The following ACOT11 variants were observed in gnomAD, a reference collection of about 807,000 sequenced individuals.
The protein encoded by ACOT11 is acyl-CoA thioesterase 11.
A neutral mutation model predicts 77.5 loss-of-function variants in ACOT11; 69 were observed. The ratio of observed to expected loss-of-function variants is 0.89; its 90% confidence interval spans 0.73 to 1.09. ACOT11 has a LOEUF of 1.09. Among genes scored for constraint, ACOT11 ranks in the 50% least tolerant of loss-of-function variants. ACOT11 has a pLI of 0.00. For missense variants in ACOT11, 766 were observed against 813.7 expected, an observed-to-expected ratio of 0.94 and a Z score of 0.71; for synonymous variants, 279 against 313.0, an observed-to-expected ratio of 0.89 and a Z score of 1.15.
downstream of ACOT11, chr1:54,614,574 C>G (rs1644151274): frequency 2.1e-6 from 2 of 951,686 alleles, no homozygotes; most frequent in African/African-American, 3.3e-5. Context: ...TGTGCAAAGG[C>G]TCAGAGGTGA....
In ACOT11 at chr1:54,601,477, G is replaced by T. The variant is rs1225735864; in HGVS notation, c.1029+64G>T. The T allele has an allele frequency of 2.5e-6, 4 of 1,573,974 alleles. No homozygotes were observed. In the African/African-American group the frequency reaches 5.4e-5, roughly 21 times the overall value. ...CTCCCCTCCCTCTCTGCCCTGGCATGGTGGAGACTGCCAGCCCCCTACAGA... is the reference window on the plus strand; with the variant it reads ...CTCCCCTCCCTCTCTGCCCTGGCATTGTGGAGACTGCCAGCCCCCTACAGA... On this transcript the variant is annotated intron_variant, in intron 9 of 15. Transcript: ENST00000343744.
In ACOT11 at chr1:54,607,958, G is replaced by C. The variant is rs372683941; in HGVS notation, c.1519G>C (p.Ala507Pro). ...TTCACTCAGGGACCCCTATGTCATCGCGCTGAGGTCGGTCACGCTGCCCAC... is the reference window on the plus strand; with the variant it reads ...TTCACTCAGGGACCCCTATGTCATCCCGCTGAGGTCGGTCACGCTGCCCAC... ...PCDNGDPYVI[A>P]LRSVTLPTHR... is the part of the protein sequence containing the mutation. Residue 507 changes from alanine to proline, a missense_variant, in exon 15 of 16, where the codon GCG becomes CCG. Physicochemically the swap from Ala to Pro is conservative, Grantham distance 27. Coordinates refer to ENST00000343744, the MANE Select transcript of ACOT11 (RefSeq NM_147161.4). This position sits in a 1 kb window ranked among gnomAD's most constrained non-coding sequence, Gnocchi z 4.5. 2 of 1,613,584 alleles carry C rather than the reference G, an allele frequency of 1.2e-6. No individual in the cohort carries two copies. The highest frequency in any genetic ancestry group is 1.3e-5 in the African/African-American group (1 of 74,788).
chr1:54,551,005 T>C (rs1653045032), intron 1 of ACOT11, among the ~76,000 whole-genome samples: 2 of 151,310 alleles, frequency 1.3e-5, no homozygotes, highest in South Asian at 4.2e-4. Flanking sequence ...CTGGGCATGG[T>C]GGCATGCTCC....
chr1:54,606,787 T>C (rs982283813), intron 13 of ACOT11, among the ~76,000 whole-genome samples: 1 of 152,238 alleles, frequency 6.6e-6, no homozygotes, highest in Non-Finnish European at 1.5e-5. Flanking sequence ...TGCGCAGACA[T>C]GTATAGACAC....
intron 10 of ACOT11, 53 bp from the exon 11 acceptor site, chr1:54,603,818 G>A: frequency 6.4e-7 from 1 of 1,554,812 alleles, no homozygotes; most frequent in South Asian, 1.1e-5. Flanking sequence ...TAGAGTCTGT[G>A]GAAAGTGCTG....
At chr1:54,595,338 C>A (rs1396666580) in intron 6 of ACOT11, among the ~76,000 whole-genome samples, 2 of 152,070 alleles carry the variant, frequency 1.3e-5, no homozygotes, top group African/African-American at 2.4e-5. Flanking sequence ...AAGAGTGAAA[C>A]TCCATTTCAA....
At position 54,608,973 on chromosome 1, in the gene ACOT11, A is replaced by G; in HGVS notation, c.1646A>G (p.Gln549Arg). 6.2e-7 allele frequency: 1 copy of G among 1,613,800 alleles called. No individual in the cohort carries two copies. Among genetic ancestry groups the G allele is most frequent in the South Asian group, 1.1e-5 (1 of 91,064 alleles). ...ACCCTGCAGGTATCCTACTACAACC[A>G]GGCCACCCCAGGTGTTCTCAACTAT... Reference protein sequence around the residue: ...DQLTKVSYYNQATPGVLNYVT... With the variant: ...DQLTKVSYYNRATPGVLNYVT... Residue 549 changes from glutamine (Q) to arginine (R), a missense_variant, in exon 16 of 16, where the codon CAG (glutamine) becomes CGG (arginine). Physicochemically the swap from Gln to Arg is conservative, Grantham distance 43. Transcript: ENST00000343744.
At chr1:54,562,541 G>A (rs1341964671) in intron 1 of ACOT11, among the ~76,000 whole-genome samples, 1 of 91,778 alleles carries the variant, frequency 1.1e-5, no homozygotes, top group African/African-American at 4.2e-5. Context: ...CGGGCGGGGG[G>A]CTGACCCACC....
chr1:54,634,846 C>T (rs958345759), exon 17 of ACOT11: 22 of 609,828 alleles, frequency 3.6e-5, no homozygotes, highest in Admixed American at 1.7e-4. Context: ...TGAGCAACAC[C>T]CGTCGAACAC....
At chr1:54,630,691 T>G (rs1448059853) in intron 15 of ACOT11, 1 of 612,556 alleles carries the variant, frequency 1.6e-6, no homozygotes, top group African/African-American at 1.8e-5. Flanking sequence ...GATTTCCCAC[T>G]TCACACCTCT....
chr1:54,636,853 ACT>A (rs1192951427), exon 17 of ACOT11: 1 of 156,124 alleles, frequency 6.4e-6, no homozygotes, highest in Non-Finnish European at 1.4e-5. Context: ...AGTGGTGATG[ACT>A]CTTAAGGAGC....
At position 54,629,744 on chromosome 1, in the gene ACOT11, C is replaced by T. The variant is rs1365370679; in HGVS notation, c.1630-990C>T. Reference sequence around the variant, plus strand: ...GGACTACAGCTGTGCACCACCATGCCTAGCTAATTTTTTTGTGTGTGGAGA... The same window carrying T: ...GGACTACAGCTGTGCACCACCATGCTTAGCTAATTTTTTTGTGTGTGGAGA... On this transcript the variant is annotated intron_variant, in intron 15 of 16. Transcript: ENST00000371316. Among the ~76,000 whole-genome samples the T allele has an allele frequency of 3.8e-5, 5 of 132,980 alleles. 1 individual carries two copies. Among genetic ancestry groups the T allele is most frequent in the African/African-American group, 1.3e-4 (5 of 39,178 alleles). The allele number at this position is 132,980 out of a possible 152,430, so 87.2% of individuals were successfully genotyped here.
At chr1:54,602,319 A>G (rs732509) in intron 9 of ACOT11, among the ~76,000 whole-genome samples, 6,545 of 152,276 alleles carry the variant, frequency 0.043, 360 homozygotes, top group South Asian at 0.23. Flanking sequence ...ATTTGGTGCA[A>G]TTCCACATGG....
At chr1:54,589,999 A>G (rs1187397065) in intron 3 of ACOT11, among the ~76,000 whole-genome samples, 2 of 151,954 alleles carry the variant, frequency 1.3e-5, no homozygotes, top group Non-Finnish European at 2.9e-5. Context: ...AAGGCAGGAG[A>G]ATGGCATGAA....
downstream of ACOT11, among the ~76,000 whole-genome samples, chr1:54,611,297 T>C (rs745939907): frequency 7.2e-5 from 11 of 152,068 alleles, no homozygotes; most frequent in Non-Finnish European, 1.3e-4. Flanking sequence ...TAGCCGGGCA[T>C]GGTGGCGCAG....
chr1:54,589,142 G>A (rs753796148), intron 3 of ACOT11, among the ~76,000 whole-genome samples: 26 of 151,922 alleles, frequency 1.7e-4, no homozygotes, highest in Non-Finnish European at 3.1e-4. Context: ...TAAACCTCCC[G>A]AGTAGGTGGG....
At chr1:54,595,075 G>A (rs1203415638) in intron 6 of ACOT11, among the ~76,000 whole-genome samples, 2 of 152,148 alleles carry the variant, frequency 1.3e-5, no homozygotes, top group African/African-American at 2.4e-5. Flanking sequence ...GGCCGGGCGT[G>A]GTGGCTCATG....
At chr1:54,597,543 A>T (rs1643903734) in intron 7 of ACOT11, 128 bp downstream of exon 7, 1 of 1,213,580 alleles carries the variant, frequency 8.2e-7, no homozygotes, top group South Asian at 1.6e-5. Flanking sequence ...GGCTGTTCTG[A>T]ATCAGAGAAA....
At chr1:54,633,607 C>T (rs1393831049) in intron 16 of ACOT11, among the ~76,000 whole-genome samples, 1 of 152,240 alleles carries the variant, frequency 6.6e-6, no homozygotes, top group African/African-American at 2.4e-5. Context: ...GCATGCCAAA[C>T]AGCCCAACAA....
Sources: gnomAD v4.1 joint callset for allele counts (sites outside exome capture counted in the v4.1 genomes callset) on GRCh38, gnomAD v4.1.1 for gene constraint, Gnocchi (gnomAD v3.1) non-coding constraint, MANE v1.5 for transcripts, NCBI Gene and HGNC (gene_info 2026-07-23, HGNC 2026-07-21) for gene names.